Variants in SEPSECS observed in about 807,000 individuals in gnomAD.
The protein encoded by SEPSECS is Sep (O-phosphoserine) tRNA:Sec (selenocysteine) tRNA synthase, also known as O-phosphoseryl-tRNA(Sec) selenium transferase.
Under a neutral mutation model 52.1 loss-of-function variants are expected in SEPSECS, and 42 were observed. The observed-to-expected ratio is 0.81, with a 90% CI of 0.63 to 1.04. SEPSECS has a LOEUF of 1.04. SEPSECS is among the 50% of genes least tolerant of loss of function. The pLI is 0.00. For synonymous variants in SEPSECS, 216 were observed against 211.4 expected (o/e 1.02, Z -0.19); for missense variants, 590 against 610.6 (o/e 0.97, Z 0.36).
chr4:25,156,954 C>T lies in SEPSECS; in HGVS notation c.290G>A (p.Arg97Gln), dbSNP rs370020609. ...TTGCACAGCAGAAATATCACCGGAT[C>T]GTCCAATGCCATGAATGAACCTAAG... ...RHYRFIHGIG[R>Q]SGDISAVQPK... is the part of the protein sequence containing the mutation. Residue 97 changes from arginine (R) to glutamine (Q), a missense_variant, in exon 3 of 11, where the codon CGA (arginine) becomes CAA (glutamine). Coordinates refer to ENST00000382103, the MANE Select transcript of SEPSECS (RefSeq NM_016955.4). The T allele has an allele frequency of 6.2e-7, 1 of 1,610,810 alleles. No individual in the cohort carries two copies. The highest frequency in any genetic ancestry group is 1.1e-5 in the South Asian group (1 of 90,990).
At chr4:25,139,280 T>C (rs1250533360) in intron 8 of SEPSECS, among the ~76,000 whole-genome samples, 3 of 152,080 alleles carry the variant, frequency 2.0e-5, no homozygotes, top group Non-Finnish European at 4.4e-5. Flanking sequence ...TTTGTTTGAA[T>C]GAATAAATGA....
Position 25,120,314 on chromosome 4 carries a change from T to C in SEPSECS, c.*3617A>G, listed in dbSNP as rs534475915. 2.6e-4 allele frequency: 39 copies of C among 152,254 alleles called. No homozygotes were observed. Among genetic ancestry groups the C allele is most frequent in the African/African-American group, 8.7e-4 (36 of 41,564 alleles). 9.4% of individuals were successfully genotyped at this position (152,254 alleles called of 1,614,324 possible). Reference sequence around the variant, plus strand: ...AGTAGTGAGTAGGAAATTACAAACATATATTCATTAGCCTTAAACTTACCA... The same window carrying C: ...AGTAGTGAGTAGGAAATTACAAACACATATTCATTAGCCTTAAACTTACCA... On this transcript the variant is annotated 3_prime_UTR_variant, in exon 11 of 11. Transcript: ENST00000382103.
In SEPSECS at chr4:25,152,009, T is replaced by C; in HGVS notation, c.755A>G (p.Asn252Ser). The change falls in exon 6 of 11, where the codon AAT (asparagine) becomes AGT (serine). Residue 252 changes from asparagine (N) to serine (S), a missense_variant. Physicochemically the swap from Asn to Ser is conservative, Grantham distance 46. Transcript: ENST00000382103. ...TGAAGACTGCACTCCATAAGCATTATTAACTATATGTGGAATGTCATAATT... is the reference window on the plus strand; with the variant it reads ...TGAAGACTGCACTCCATAAGCATTACTAACTATATGTGGAATGTCATAATT... The part of the protein sequence containing the change: ...CANYDIPHIV[N>S]NAYGVQSSKC... 6.2e-7 allele frequency: 1 copy of C among 1,603,304 alleles called. No individual in the cohort carries two copies. The highest frequency in any genetic ancestry group is 8.5e-7 in the Non-Finnish European group (1 of 1,170,298).
Position 25,152,052 on chromosome 4 carries a change from G to GTTC in SEPSECS, c.709_711dup (p.Glu237dup). On this transcript the variant is annotated inframe_insertion, in exon 6 of 11. Coordinates refer to ENST00000382103, the MANE Select transcript of SEPSECS (RefSeq NM_016955.4). ...TCATAATTAGCACAAATCACAGCCA[G>GTTC]TTCTTCTAATCTATAAACATAAATA... The GTTC allele has an allele frequency of 6.5e-7, 1 of 1,544,726 alleles. No homozygotes were observed. Among genetic ancestry groups the GTTC allele is most frequent in the Non-Finnish European group, 9.0e-7 (1 of 1,117,170 alleles).
chr4:25,146,133 CAT>C (rs545831362), intron 6 of SEPSECS, among the ~76,000 whole-genome samples: 5 of 152,186 alleles, frequency 3.3e-5, no homozygotes, highest in African/African-American at 9.6e-5. Flanking sequence ...TTACAACTAA[CAT>C]AGTCTTTTTC....
chr4:25,134,006 A>G (rs551948599), intron 8 of SEPSECS, among the ~76,000 whole-genome samples: 2 of 151,006 alleles, frequency 1.3e-5, no homozygotes, highest in East Asian at 3.9e-4. Flanking sequence ...ACCTGTGGAC[A>G]CCAGTTACTC....
chr4:25,159,144 A>G, intron 1 of SEPSECS, 37 bp from the exon 2 acceptor site: 1 of 1,477,102 alleles, frequency 6.8e-7, no homozygotes, highest in Non-Finnish European at 9.1e-7. Flanking sequence ...TATATTTAAT[A>G]AAACTACCGT....
At position 25,158,948 on chromosome 4, in the gene SEPSECS, G is replaced by A. The variant is rs767645681; in HGVS notation, c.269+5C>T. ...GTATCTCCTGTACTACTTAAAAAAA[G>A]ATACCTGTAATGACGACGAGCAACC... On this transcript the variant is annotated splice_donor_5th_base_variant and intron_variant, in intron 2 of 10. Coordinates refer to ENST00000382103, the MANE Select transcript of SEPSECS (RefSeq NM_016955.4). 6.2e-7 allele frequency: 1 copy of A among 1,613,432 alleles called. No individual in the cohort carries two copies. Among genetic ancestry groups the A allele is most frequent in the South Asian group, 1.1e-5 (1 of 91,060 alleles).
At chr4:25,134,493 A>G (rs1728751348) in intron 8 of SEPSECS, among the ~76,000 whole-genome samples, 1 of 152,132 alleles carries the variant, frequency 6.6e-6, no homozygotes, top group African/African-American at 2.4e-5. Context: ...AGCATCTACT[A>G]TATATCAAGT....
intron 8 of SEPSECS, among the ~76,000 whole-genome samples, chr4:25,144,238 G>A (rs1439091412): frequency 6.6e-6 from 1 of 150,984 alleles, no homozygotes; most frequent in African/African-American, 2.4e-5. Flanking sequence ...TACTCGGGAG[G>A]CTGAGGCAGA....
intron 8 of SEPSECS, among the ~76,000 whole-genome samples, chr4:25,129,310 C>G (rs577723218): frequency 6.6e-6 from 1 of 151,938 alleles, no homozygotes; most frequent in East Asian, 1.9e-4. Flanking sequence ...AAAAAAAAAG[C>G]ATCTTTTCTT....
intron 8 of SEPSECS, among the ~76,000 whole-genome samples, chr4:25,137,270 G>C (rs962618004): frequency 4.6e-5 from 7 of 152,140 alleles, no homozygotes; most frequent in African/African-American, 1.7e-4. Context: ...TCATCAGAGT[G>C]AACTGACAAC....
chr4:25,128,441 A>G (rs1301843393), intron 8 of SEPSECS, among the ~76,000 whole-genome samples: 1 of 142,354 alleles, frequency 7.0e-6, no homozygotes, highest in Non-Finnish European at 1.5e-5. Context: ...ACAAAAACAA[A>G]AACAAAAACA....
rs1026099676 is a variant in SEPSECS, at chr4:25,122,979, A to C, written c.*952T>G. ...AACATCTGAACAAACTAACCAATAT[A>C]TGCAGGCTGCTTAAAGCAAAAACAG... On this transcript the variant is annotated 3_prime_UTR_variant, in exon 11 of 11. Transcript: ENST00000382103. 2 of 152,150 alleles carry C rather than the reference A, an allele frequency of 1.3e-5. No homozygotes were observed. Among genetic ancestry groups the C allele is most frequent in the African/African-American group, 2.4e-5 (1 of 41,438 alleles). 9.4% of individuals were successfully genotyped at this position (152,150 alleles called of 1,614,324 possible).
At chr4:25,150,198 C>T (rs753815365) in intron 6 of SEPSECS, among the ~76,000 whole-genome samples, 5 of 152,080 alleles carry the variant, frequency 3.3e-5, no homozygotes, top group Non-Finnish European at 7.3e-5. Flanking sequence ...GAGCATTTAC[C>T]ATATTGGAGC....
At chr4:25,125,639 C>T in intron 10 of SEPSECS, 55 bp downstream of exon 10, 2 of 1,112,414 alleles carry the variant, frequency 1.8e-6, no homozygotes, top group South Asian at 1.3e-5. Context: ...AGGTATTTTA[C>T]TGGAGTTAAG....
At chr4:25,125,562 A>T (rs1008243085) in intron 10 of SEPSECS, 132 bp downstream of exon 10, 1 of 710,414 alleles carries the variant, frequency 1.4e-6, no homozygotes, top group East Asian at 2.7e-5. Context: ...CTAACTCATC[A>T]TTCTTTACTC....
At chr4:25,152,635 G>A (rs530449108) in intron 5 of SEPSECS, among the ~76,000 whole-genome samples, 3 of 151,874 alleles carry the variant, frequency 2.0e-5, no homozygotes, top group Non-Finnish European at 4.4e-5. Context: ...AATAGCTACT[G>A]GTTTTAAATC....
In SEPSECS at chr4:25,159,125, A is replaced by C. The variant is rs780516812; in HGVS notation, c.115-18T>G. ...CACTTGCCCTTAAAAAAAAAAAAAA[A>C]CTTATGATTATATTTAATAAAACTA... On this transcript the variant is annotated intron_variant, in intron 1 of 10. Coordinates refer to ENST00000382103, the MANE Select transcript of SEPSECS (RefSeq NM_016955.4). 19 of 1,506,786 alleles carry C rather than the reference A, an allele frequency of 1.3e-5. No individual in the cohort carries two copies. In the Admixed American group the frequency reaches 1.5e-4, roughly 12 times the overall value. 93.3% of individuals were successfully genotyped at this position (1,506,786 alleles called of 1,614,324 possible).
Sources: allele counts gnomAD v4.1 joint callset (sites outside exome capture counted in the v4.1 genomes callset), GRCh38; gene constraint gnomAD v4.1.1; transcripts MANE v1.5; gene names NCBI Gene and HGNC (gene_info 2026-07-23, HGNC 2026-07-21).